The following OSBPL6 variants were observed in gnomAD, a reference collection of about 807,000 sequenced individuals.
The protein encoded by OSBPL6 is oxysterol binding protein like 6.
In OSBPL6, 49 loss-of-function variants were observed where a neutral mutation model predicts 125.8. The observed-to-expected ratio is 0.39, with a 90% confidence interval of 0.31 to 0.49. The LOEUF (loss-of-function observed/expected upper bound fraction) is 0.49, where lower values mean the gene tolerates loss of function less well. OSBPL6 is among the 20% of genes least tolerant of loss of function. The probability of loss-of-function intolerance (pLI) is 0.88; values close to 1 mark genes in which losing one functional copy is unlikely to be tolerated. For missense variants in OSBPL6, 986 were observed against 1,135.4 expected (o/e 0.87, Z 1.89); for synonymous variants, 394 against 391.8 (o/e 1.01, Z -0.07).
At chr2:178,292,296 C>T (rs1271761001) in intron 2 of OSBPL6, among the ~76,000 whole-genome samples, 1 of 152,028 alleles carries the variant, frequency 6.6e-6, no homozygotes, top group Non-Finnish European at 1.5e-5. Context: ...ATAAGTCTAA[C>T]TTTGATGGTA....
Position 178,395,568 on chromosome 2 carries a change from T to G in OSBPL6, c.*9T>G. Reference sequence around the variant, plus strand: ...GCCCTGTTCTTTGGTAGACTGGGAATGTAGAGCTAGCCAACATATCACATT... The same window carrying G: ...GCCCTGTTCTTTGGTAGACTGGGAAGGTAGAGCTAGCCAACATATCACATT... On this transcript the variant is annotated 3_prime_UTR_variant, in exon 25 of 25. Coordinates refer to ENST00000190611, the MANE Select transcript of OSBPL6 (RefSeq NM_032523.4). 1 of 1,568,392 alleles carries G rather than the reference T, an allele frequency of 6.4e-7. No homozygotes were observed. The highest frequency in any genetic ancestry group is 1.1e-5 in the South Asian group (1 of 89,690).
At chr2:178,372,700 A>ACTG (rs35878962) in intron 14 of OSBPL6, among the ~76,000 whole-genome samples, 2 of 151,658 alleles carry the variant, frequency 1.3e-5, no homozygotes, top group Non-Finnish European at 2.9e-5. Flanking sequence ...TACAGCTACT[A>ACTG]CTGCTGCTGC....
At chr2:178,289,016 CTTTTT>C (rs58943076) in intron 2 of OSBPL6, among the ~76,000 whole-genome samples, 1 of 130,606 alleles carries the variant, frequency 7.7e-6, no homozygotes. Context: ...TCTTTTTCTT[CTTTTT>C]TTTTTTTTTT....
chr2:178,260,734 A>G (rs1445949389), intron 1 of OSBPL6, among the ~76,000 whole-genome samples: 1 of 152,246 alleles, frequency 6.6e-6, no homozygotes, highest in Non-Finnish European at 1.5e-5. Context: ...TTAAAAACTC[A>G]AACTCGCTAA....
chr2:178,231,590 A>G lies in OSBPL6; in HGVS notation c.-351+36916A>G, dbSNP rs1430235782. 2.7e-5 allele frequency among the ~76,000 whole-genome samples: 4 copies of G among 150,912 alleles called. 1 individual carries two copies. The highest frequency in any genetic ancestry group is 7.3e-5 in the African/African-American group (3 of 40,886). Reference sequence around the variant, plus strand: ...GTAATTTCTTCTTAACTTCTATACCAATATGAGCAGCCCTTTCCCCCATCC... The same window carrying G: ...GTAATTTCTTCTTAACTTCTATACCGATATGAGCAGCCCTTTCCCCCATCC... On this transcript the variant is annotated intron_variant, in intron 1 of 24. Transcript: ENST00000190611.
At chr2:178,279,408 T>A (rs2154029466) in intron 1 of OSBPL6, among the ~76,000 whole-genome samples, 1 of 152,314 alleles carries the variant, frequency 6.6e-6, no homozygotes, top group East Asian at 1.9e-4. Context: ...AAGGAACCAT[T>A]GCCAAGTCAC....
intron 5 of OSBPL6, 48 bp from the exon 6 acceptor site, chr2:178,331,504 A>C (rs779242354): frequency 1.3e-6 from 2 of 1,588,626 alleles, no homozygotes; most frequent in Non-Finnish European, 1.7e-6. Context: ...TGAATGTTTT[A>C]TGTAATTCAA....
chr2:178,399,057 A>G lies in OSBPL6; in HGVS notation c.*3498A>G, dbSNP rs952688367. ...ACCAGGGGATGTAATAAATGTTTGC[A>G]CTTGGCCCAGTATATTATGAATGTG... On this transcript the variant is annotated 3_prime_UTR_variant, in exon 25 of 25. Transcript: ENST00000190611. 2.6e-5 allele frequency: 4 copies of G among 151,940 alleles called. No homozygotes were observed. Among genetic ancestry groups the G allele is most frequent in the African/African-American group, 9.7e-5 (4 of 41,326 alleles). 9.4% of individuals were successfully genotyped at this position (151,940 alleles called of 1,614,324 possible). A position where few individuals can be genotyped will look rare whatever the true frequency, so the allele number is the denominator to read the frequency against.
intron 1 of OSBPL6, among the ~76,000 whole-genome samples, chr2:178,213,670 T>G (rs2089968694): frequency 6.6e-6 from 1 of 152,236 alleles, no homozygotes; most frequent in African/African-American, 2.4e-5. Context: ...CACGTGCAGT[T>G]GCTGTCAGTT....
intron 2 of OSBPL6, among the ~76,000 whole-genome samples, chr2:178,296,754 G>T (rs544523163): frequency 6.6e-6 from 1 of 152,170 alleles, no homozygotes; most frequent in East Asian, 1.9e-4. Context: ...CCAATTAAAT[G>T]AGTTCACAAG....
chr2:178,284,670 A>G (rs1382892176), intron 1 of OSBPL6, among the ~76,000 whole-genome samples: 1 of 152,228 alleles, frequency 6.6e-6, no homozygotes, highest in Non-Finnish European at 1.5e-5. Flanking sequence ...ATATCACTTG[A>G]GAGTTTTCAT....
In OSBPL6 at chr2:178,391,224, G is replaced by A; in HGVS notation, c.2446+7G>A. 1 of 1,589,622 alleles carries A rather than the reference G, an allele frequency of 6.3e-7. No homozygotes were observed. The highest frequency in any genetic ancestry group is 1.2e-5 in the South Asian group (1 of 86,868). On this transcript the variant is annotated splice_region_variant and intron_variant, in intron 22 of 24. Coordinates refer to ENST00000190611, the MANE Select transcript of OSBPL6 (RefSeq NM_032523.4). ...AAGTGCATTTGGAGACCAGGTGAGA[G>A]TGGCCTGAGTGTTCTGCCAACAGGA...
chr2:178,207,522 G>C (rs2089603868), intron 1 of OSBPL6, among the ~76,000 whole-genome samples: 1 of 152,186 alleles, frequency 6.6e-6, no homozygotes, highest in South Asian at 2.1e-4. Context: ...CAGGGGATTA[G>C]GAAGTGAACA....
intron 1 of OSBPL6, among the ~76,000 whole-genome samples, chr2:178,270,026 G>C (rs1427600363): frequency 2.6e-5 from 4 of 152,174 alleles, no homozygotes; most frequent in African/African-American, 4.8e-5. Flanking sequence ...GCTTGTTCAG[G>C]TATGGGTTAG....
intron 2 of OSBPL6, among the ~76,000 whole-genome samples, chr2:178,296,698 A>G (rs748210572): frequency 5.3e-5 from 8 of 152,156 alleles, no homozygotes; most frequent in Non-Finnish European, 1.0e-4. Context: ...AGCTAGTGCA[A>G]GCCAGCTCCA....
At chr2:178,303,017 C>A (rs573470567) in intron 2 of OSBPL6, among the ~76,000 whole-genome samples, 1 of 152,274 alleles carries the variant, frequency 6.6e-6, no homozygotes, top group East Asian at 1.9e-4. Flanking sequence ...CTAAGTACTT[C>A]AAATCAAGGA....
intron 12 of OSBPL6, among the ~76,000 whole-genome samples, chr2:178,359,907 G>A (rs371688461): frequency 6.6e-6 from 1 of 152,262 alleles, no homozygotes; most frequent in African/African-American, 2.4e-5. Context: ...GGTCAACATG[G>A]CAAATCCCGT....
At chr2:178,252,347 C>G (rs2091726511) in intron 1 of OSBPL6, among the ~76,000 whole-genome samples, 1 of 147,420 alleles carries the variant, frequency 6.8e-6, no homozygotes, top group Non-Finnish European at 1.5e-5. Flanking sequence ...CTCAATTCTG[C>G]CATTATAGTT....
At chr2:178,313,053 G>A (rs1223646574) in intron 3 of OSBPL6, among the ~76,000 whole-genome samples, 2 of 151,788 alleles carry the variant, frequency 1.3e-5, no homozygotes, top group African/African-American at 4.8e-5. Flanking sequence ...CCAACACCAC[G>A]CCCAGCTAAT....
Sources: gnomAD v4.1 joint callset for allele counts (sites outside exome capture counted in the v4.1 genomes callset) on GRCh38, gnomAD v4.1.1 for gene constraint, MANE v1.5 for transcripts, NCBI Gene and HGNC (gene_info 2026-07-23, HGNC 2026-07-21) for gene names.